The following PRMT3 variants were observed in gnomAD, a reference collection of about 807,000 sequenced individuals.
PRMT3 encodes the protein protein arginine methyltransferase 3.
Under a neutral mutation model 71.9 loss-of-function variants are expected in PRMT3, and 62 were observed. The ratio of observed to expected loss-of-function variants is 0.86; its 90% CI spans 0.70 to 1.07. PRMT3 has a LOEUF of 1.07. Among genes scored for constraint, PRMT3 ranks in the 50% least tolerant of loss-of-function variants. The pLI, the probability that PRMT3 is intolerant of heterozygous loss-of-function variation, is 0.00. For synonymous variants in PRMT3, 213 were observed against 220.4 expected (o/e 0.97, Z 0.30); for missense variants, 663 against 643.0 (o/e 1.03, Z -0.34).
chr11:20,461,640 G>A (rs1324090809), intron 11 of PRMT3, among the ~76,000 whole-genome samples: 1 of 152,030 alleles, frequency 6.6e-6, no homozygotes, highest in Non-Finnish European at 1.5e-5. Context: ...AGGAATATAG[G>A]AATAAGTAAA....
intron 15 of PRMT3, among the ~76,000 whole-genome samples, chr11:20,499,412 A>G (rs551363481): frequency 6.6e-6 from 1 of 152,170 alleles, no homozygotes; most frequent in Non-Finnish European, 1.5e-5. Flanking sequence ...GCTGAGGCCA[A>G]GAGTTTGAGA....
At chr11:20,453,811 A>AG (rs1330259308) in intron 11 of PRMT3, among the ~76,000 whole-genome samples, 2 of 151,872 alleles carry the variant, frequency 1.3e-5, no homozygotes, top group Admixed American at 6.6e-5. Context: ...TTTGTGTTTT[A>AG]GGGGGGTTTC....
chr11:20,395,604 C>T (rs1848807609), intron 5 of PRMT3, among the ~76,000 whole-genome samples, 199 bp from the exon 6 acceptor site: 1 of 152,012 alleles, frequency 6.6e-6, no homozygotes, highest in Non-Finnish European at 1.5e-5. Context: ...CTGCCTGCCT[C>T]GGCCTTCCAA....
chr11:20,465,207 C>T (rs1850483491), intron 13 of PRMT3, among the ~76,000 whole-genome samples: 1 of 151,698 alleles, frequency 6.6e-6, no homozygotes. Context: ...TAGCCAGAAA[C>T]GTTAGATTAT....
chr11:20,416,201 C>T (rs1268638007), intron 9 of PRMT3, among the ~76,000 whole-genome samples: 1 of 152,084 alleles, frequency 6.6e-6, no homozygotes, highest in African/African-American at 2.4e-5. Context: ...TGTAGTGCAG[C>T]CAGACTGATT....
chr11:20,491,284 A>T (rs1018935361), intron 13 of PRMT3, among the ~76,000 whole-genome samples: 1 of 152,112 alleles, frequency 6.6e-6, no homozygotes, highest in Non-Finnish European at 1.5e-5. Flanking sequence ...TTGCTGCTTT[A>T]AAGTTTTGCT....
intron 13 of PRMT3, among the ~76,000 whole-genome samples, chr11:20,483,828 C>CT (rs763921657): frequency 6.6e-6 from 1 of 152,136 alleles, no homozygotes; most frequent in Non-Finnish European, 1.5e-5. Flanking sequence ...AAGGTTTTTA[C>CT]TTTAAGTATG....
At chr11:20,449,466 G>A (rs1016533877) in intron 10 of PRMT3, among the ~76,000 whole-genome samples, 1 of 152,038 alleles carries the variant, frequency 6.6e-6, no homozygotes, top group African/African-American at 2.4e-5. Context: ...CAACATAAAA[G>A]GGTGATTCAG....
chr11:20,474,117 A>G (rs1850719921), intron 13 of PRMT3, among the ~76,000 whole-genome samples: 2 of 152,128 alleles, frequency 1.3e-5, no homozygotes, highest in Non-Finnish European at 2.9e-5. Flanking sequence ...CACCCGTACG[A>G]GGTGGCTAGA....
intron 9 of PRMT3, among the ~76,000 whole-genome samples, chr11:20,411,673 A>T (rs1412276957): frequency 6.6e-6 from 1 of 152,162 alleles, no homozygotes; most frequent in Non-Finnish European, 1.5e-5. Flanking sequence ...GTATAACAAA[A>T]TGACTAAAAC....
At chr11:20,408,647 C>G (rs1195789896) in intron 9 of PRMT3, among the ~76,000 whole-genome samples, 4 of 152,128 alleles carry the variant, frequency 2.6e-5, no homozygotes. Context: ...TGAAATCCAG[C>G]TGACACAACT....
chr11:20,441,785 C>A, intron 10 of PRMT3, among the ~76,000 whole-genome samples: 1 of 138,134 alleles, frequency 7.2e-6, no homozygotes, highest in East Asian at 2.3e-4. Context: ...ACAATAGTTT[C>A]AGGTTTTTTT....
At chr11:20,473,742 A>T (rs772734500) in intron 13 of PRMT3, among the ~76,000 whole-genome samples, 2 of 152,050 alleles carry the variant, frequency 1.3e-5, no homozygotes, top group Admixed American at 1.3e-4. Context: ...ACTTCTGTCA[A>T]TTCAGCCATC....
At chr11:20,497,698 G>GTACAC (rs1851365025) in intron 15 of PRMT3, among the ~76,000 whole-genome samples, 1 of 152,164 alleles carries the variant, frequency 6.6e-6, no homozygotes, top group Non-Finnish European at 1.5e-5. Context: ...GTATATGTAG[G>GTACAC]ATTAAATGCA....
At position 20,466,057 on chromosome 11, in the gene PRMT3, ACT is replaced by A. The variant is rs1339078622; in HGVS notation, c.1347+1514_1347+1515del. Among the ~76,000 whole-genome samples the A allele has an allele frequency of 6.6e-5, 10 of 152,160 alleles. No individual in the cohort carries two copies. The East Asian group carries it at 1.7e-3, about 26-fold the overall frequency. On this transcript the variant is annotated intron_variant, in intron 13 of 15. Coordinates refer to ENST00000331079, the MANE Select transcript of PRMT3 (RefSeq NM_005788.4). ...TGAATCAAAATAGAGCAGATGTAAA[ACT>A]CTACTGAAGATGTCAAAAGCTTGTG...
At chr11:20,466,824 A>G (rs1480776459) in intron 13 of PRMT3, among the ~76,000 whole-genome samples, 1 of 152,234 alleles carries the variant, frequency 6.6e-6, no homozygotes, top group African/African-American at 2.4e-5. Flanking sequence ...TTGTAATTGA[A>G]CTTTTAATAT....
chr11:20,506,819 T>A (rs927994314), intron 15 of PRMT3, among the ~76,000 whole-genome samples: 2 of 152,236 alleles, frequency 1.3e-5, no homozygotes, highest in Non-Finnish European at 2.9e-5. Context: ...CTTAGCAATT[T>A]GTTACTTTTT....
chr11:20,504,990 C>T (rs1172411819), intron 15 of PRMT3, among the ~76,000 whole-genome samples: 1 of 152,192 alleles, frequency 6.6e-6, no homozygotes, highest in Non-Finnish European at 1.5e-5. Flanking sequence ...ACCTTGGCCT[C>T]CCAAGGTGCT....
chr11:20,438,780 G>A (rs986653160), intron 10 of PRMT3, among the ~76,000 whole-genome samples: 1 of 152,142 alleles, frequency 6.6e-6, no homozygotes, highest in Admixed American at 6.5e-5. Context: ...TCTCTGGGCA[G>A]CCAAGGCACC....
Sources: gnomAD v4.1 joint callset for allele counts (sites outside exome capture counted in the v4.1 genomes callset) on GRCh38, gnomAD v4.1.1 for gene constraint, MANE v1.5 for transcripts, NCBI Gene and HGNC (gene_info 2026-07-23, HGNC 2026-07-21) for gene names.